The following MGAT4C variants were observed in gnomAD, a reference collection of about 807,000 sequenced individuals.
MGAT4C encodes alpha-1,3-mannosyl-glycoprotein 4-beta-N-acetylglucosaminyltransferase C.
Under a neutral mutation model 40.1 loss-of-function variants are expected in MGAT4C, and 19 were observed. The ratio of observed to expected loss-of-function variants is 0.47; its 90% CI spans 0.33 to 0.70. The LOEUF is 0.70. Among genes scored for constraint, MGAT4C ranks in the 30% least tolerant of loss-of-function variants. The probability of loss-of-function intolerance (pLI) is 0.02; values close to 1 mark genes in which losing one functional copy is unlikely to be tolerated. For synonymous variants in MGAT4C, 181 were observed against 187.1 expected (o/e 0.97, Z 0.27); for missense variants, 491 against 563.2 (o/e 0.87, Z 1.30).
intron 4 of MGAT4C, among the ~76,000 whole-genome samples, chr12:86,330,151 G>A (rs989196343): frequency 6.6e-6 from 1 of 152,114 alleles, no homozygotes; most frequent in African/African-American, 2.4e-5. Flanking sequence ...CTCTTTTGAG[G>A]ACCCTAATGT....
At chr12:86,657,633 G>A (rs1963882688) in intron 2 of MGAT4C, among the ~76,000 whole-genome samples, 1 of 151,778 alleles carries the variant, frequency 6.6e-6, no homozygotes, top group Non-Finnish European at 1.5e-5. Flanking sequence ...AAAAGTTAAA[G>A]AAACTTGGAA....
At chr12:86,108,484 C>T (rs1430987298) in intron 1 of MGAT4C, among the ~76,000 whole-genome samples, 1 of 152,020 alleles carries the variant, frequency 6.6e-6, no homozygotes, top group Non-Finnish European at 1.5e-5. Flanking sequence ...ATGATTACAA[C>T]TCACTCAGCT....
intron 2 of MGAT4C, among the ~76,000 whole-genome samples, chr12:86,706,869 G>C (rs1326666837): frequency 6.6e-6 from 1 of 152,156 alleles, no homozygotes; most frequent in Non-Finnish European, 1.5e-5. Context: ...CCTGGTAGGA[G>C]GTAATTGAAT....
intron 2 of MGAT4C, among the ~76,000 whole-genome samples, chr12:86,560,212 G>A (rs1393644180): frequency 1.3e-5 from 2 of 151,960 alleles, no homozygotes; most frequent in Non-Finnish European, 2.9e-5. Flanking sequence ...AGCTTATAAA[G>A]GAGAGATAAC....
chr12:86,060,358 G>A (rs899038399), intron 1 of MGAT4C, among the ~76,000 whole-genome samples: 3 of 152,116 alleles, frequency 2.0e-5, no homozygotes, highest in Non-Finnish European at 4.4e-5. Context: ...TTTATAAAGA[G>A]TTAGGAAAAG....
chr12:86,407,384 C>T lies in MGAT4C; in HGVS notation c.-120+27773G>A, dbSNP rs995075822. ...GGAGAATGCAATAGAAGATTATACACGTTGTTAACCTGTAACTGAAGGGTG... is the reference window on the plus strand; with the variant it reads ...GGAGAATGCAATAGAAGATTATACATGTTGTTAACCTGTAACTGAAGGGTG... On this transcript the variant is annotated intron_variant, in intron 3 of 7. Coordinates refer to the MGAT4C transcript ENST00000548651. Among the ~76,000 whole-genome samples, 153 of 152,038 alleles carry T rather than the reference C, an allele frequency of 1.0e-3. 1 individual carries two copies. Among genetic ancestry groups the T allele is most frequent in the Non-Finnish European group, 1.3e-3 (88 of 67,938 alleles).
At chr12:86,420,612 T>A (rs2136255537) in intron 3 of MGAT4C, among the ~76,000 whole-genome samples, 1 of 152,084 alleles carries the variant, frequency 6.6e-6, no homozygotes, top group African/African-American at 2.4e-5. Context: ...AAATTCATAA[T>A]ACTTTAAGAA....
intron 3 of MGAT4C, among the ~76,000 whole-genome samples, chr12:86,353,271 T>C (rs892838865): frequency 1.3e-5 from 2 of 152,008 alleles, no homozygotes; most frequent in African/African-American, 2.4e-5. Context: ...TAAGATAGAG[T>C]AATTATGTCA....
intron 2 of MGAT4C, among the ~76,000 whole-genome samples, chr12:86,530,302 C>T (rs1958959506): frequency 1.3e-5 from 2 of 151,822 alleles, no homozygotes; most frequent in Non-Finnish European, 2.9e-5. Flanking sequence ...TTGATTTTTG[C>T]TTATTTTCTT....
intron 1 of MGAT4C, among the ~76,000 whole-genome samples, chr12:86,252,517 A>G (rs1373184914): frequency 6.6e-6 from 1 of 151,954 alleles, no homozygotes; most frequent in Non-Finnish European, 1.5e-5. Flanking sequence ...TATTTCTTTT[A>G]AATCACTGAG....
intron 3 of MGAT4C, among the ~76,000 whole-genome samples, chr12:85,984,121 A>G (rs1355607086): frequency 6.6e-6 from 1 of 152,178 alleles, no homozygotes; most frequent in Non-Finnish European, 1.5e-5. Context: ...AAAAGATCAC[A>G]CAGTGTCTCC....
intron 1 of MGAT4C, among the ~76,000 whole-genome samples, chr12:86,766,377 A>G (rs1008251078): frequency 5.3e-5 from 8 of 152,150 alleles, no homozygotes; most frequent in African/African-American, 1.7e-4. Context: ...GCAAGTCCTG[A>G]GTGACTTACA....
chr12:85,989,315 G>T, intron 3 of MGAT4C, 85 bp downstream of exon 3: 1 of 1,290,008 alleles, frequency 7.8e-7, no homozygotes, highest in East Asian at 2.5e-5. Context: ...AATAGCTTGA[G>T]ATTGAAGTTA....
chr12:86,671,099 C>T (rs116857230), intron 2 of MGAT4C, among the ~76,000 whole-genome samples: 40 of 152,260 alleles, frequency 2.6e-4, no homozygotes, highest in Admixed American at 7.8e-4. Context: ...AGCATTGCTA[C>T]GCATGATGTT....
intron 1 of MGAT4C, among the ~76,000 whole-genome samples, chr12:86,102,280 A>T (rs1189447716): frequency 6.6e-6 from 1 of 152,004 alleles, no homozygotes; most frequent in Non-Finnish European, 1.5e-5. Flanking sequence ...AGATAAATTA[A>T]AGAGCCAAAG....
At chr12:86,371,684 TTTCTAGACTGTGTTTCAC>T (rs1469965274) in intron 3 of MGAT4C, among the ~76,000 whole-genome samples, 2 of 152,100 alleles carry the variant, frequency 1.3e-5, no homozygotes, top group East Asian at 3.8e-4. Flanking sequence ...ACTTTTATAA[TTTCTAGACTGTGTTTCAC>T]TTCTAGACTG....
chr12:86,279,035 T>C (rs1165607233), intron 4 of MGAT4C, among the ~76,000 whole-genome samples: 2 of 152,202 alleles, frequency 1.3e-5, no homozygotes. Context: ...AAATGTGTTG[T>C]TGAATTTGGT....
intron 2 of MGAT4C, among the ~76,000 whole-genome samples, chr12:86,461,992 T>C (rs1396025981): frequency 6.6e-6 from 1 of 152,210 alleles, no homozygotes; most frequent in Non-Finnish European, 1.5e-5. Context: ...TGTATAACTG[T>C]ATTTAAATCA....
intron 2 of MGAT4C, among the ~76,000 whole-genome samples, chr12:86,048,889 G>A (rs939620306): frequency 5.3e-5 from 8 of 151,918 alleles, no homozygotes; most frequent in African/African-American, 1.7e-4. Context: ...TGGAATCCAG[G>A]AAGCAATATA....
Sources: allele counts gnomAD v4.1 joint callset (sites outside exome capture counted in the v4.1 genomes callset), GRCh38; gene constraint gnomAD v4.1.1; transcripts MANE v1.5; gene names NCBI Gene and HGNC (gene_info 2026-07-23, HGNC 2026-07-21).